Variants in AGPAT3 observed in about 807,000 individuals in gnomAD.
AGPAT3 encodes 1-acyl-sn-glycerol-3-phosphate acyltransferase gamma.
In AGPAT3, 5 loss-of-function variants were observed where a neutral mutation model predicts 47.3. That is an observed-to-expected ratio of 0.11 (90% CI 0.06 to 0.22). The LOEUF (loss-of-function observed/expected upper bound fraction) is 0.22. AGPAT3 is among the 10% of genes least tolerant of loss of function. The probability of loss-of-function intolerance (pLI) is 1.00; values close to 1 mark genes in which losing one functional copy is unlikely to be tolerated. For missense variants in AGPAT3, 315 were observed against 493.0 expected (o/e 0.64, Z 3.42); for synonymous variants, 212 against 208.3 (o/e 1.02, Z -0.15).
At chr21:43,931,839 C>G (rs1408735532) in intron 2 of AGPAT3, among the ~76,000 whole-genome samples, 1 of 151,720 alleles carries the variant, frequency 6.6e-6, no homozygotes, top group African/African-American at 2.4e-5. Context: ...CTGTAAAGAG[C>G]ATGATGAAAA....
At chr21:43,919,076 C>T (rs2086828728) in intron 2 of AGPAT3, among the ~76,000 whole-genome samples, 1 of 152,180 alleles carries the variant, frequency 6.6e-6, no homozygotes, top group African/African-American at 2.4e-5. Context: ...AGTCACACAT[C>T]TGTCCATCAT....
chr21:43,969,478 C>T (rs1372801294), intron 5 of AGPAT3, among the ~76,000 whole-genome samples, 199 bp downstream of exon 5: 5 of 152,176 alleles, frequency 3.3e-5, no homozygotes, highest in South Asian at 4.1e-4. Flanking sequence ...TGCTACTCGC[C>T]GCAATCCCAG....
intron 1 of AGPAT3, among the ~76,000 whole-genome samples, chr21:43,900,788 A>G (rs1870921843): frequency 6.6e-6 from 1 of 152,092 alleles, no homozygotes; most frequent in African/African-American, 2.4e-5. Context: ...TTGTCCTACA[A>G]AGGTCCGCTC....
intron 3 of AGPAT3, among the ~76,000 whole-genome samples, chr21:43,961,567 C>T (rs1046358483): frequency 4.4e-5 from 6 of 135,632 alleles, no homozygotes; most frequent in Admixed American, 2.2e-4. Flanking sequence ...AAACAGTGAG[C>T]GCGTAGACAC....
chr21:43,909,591 C>T (rs908372289), intron 2 of AGPAT3, among the ~76,000 whole-genome samples: 10 of 152,196 alleles, frequency 6.6e-5, no homozygotes, highest in South Asian at 2.1e-4. Context: ...CCACTGTACC[C>T]GGCCTTTTCA....
chr21:43,925,247 G>A (rs916119213), intron 2 of AGPAT3: 1 of 152,698 alleles, frequency 6.5e-6, no homozygotes, highest in African/African-American at 2.4e-5. Context: ...CTGCCGTCCT[G>A]GCTTGCAGAG....
At chr21:43,887,590 A>G (rs1352365437) in intron 1 of AGPAT3, among the ~76,000 whole-genome samples, 2 of 152,274 alleles carry the variant, frequency 1.3e-5, no homozygotes, top group African/African-American at 2.4e-5. Flanking sequence ...GCACACGCAC[A>G]CACACACACA....
intron 7 of AGPAT3, among the ~76,000 whole-genome samples, chr21:43,973,812 A>G (rs2089494858): frequency 6.6e-6 from 1 of 152,230 alleles, no homozygotes; most frequent in Admixed American, 6.5e-5. Flanking sequence ...GGCCATGGGG[A>G]AGCAGGGCCA....
chr21:43,911,100 C>CAAA (rs2086623653), intron 2 of AGPAT3, among the ~76,000 whole-genome samples: 1 of 152,200 alleles, frequency 6.6e-6, no homozygotes, highest in Admixed American at 6.5e-5. Flanking sequence ...CATACACCGA[C>CAAA]AGAGTTTCCA....
intron 3 of AGPAT3, among the ~76,000 whole-genome samples, chr21:43,962,439 A>G (rs924434010): frequency 1.3e-5 from 2 of 152,214 alleles, no homozygotes; most frequent in East Asian, 1.9e-4. Flanking sequence ...AAAAAGGGCA[A>G]ATATTAACTG....
At chr21:43,876,162 C>T (rs1488588371) in intron 1 of AGPAT3, among the ~76,000 whole-genome samples, 1 of 151,918 alleles carries the variant, frequency 6.6e-6, no homozygotes. Context: ...TCCAAGTTTG[C>T]CTCTCCTCTT....
rs2030348301 is a variant in AGPAT3, at chr21:43,986,839, T to C, written c.*4447T>C. 6.6e-6 allele frequency among the ~76,000 whole-genome samples: 1 copy of C among 152,246 alleles called. No homozygotes were observed. The highest frequency in any genetic ancestry group is 2.1e-4 in the South Asian group (1 of 4,836). ...CAAATGTATTATACGGATGTTTCCT[T>C]TTGTACACTTCATTTTTACAAGTTT... On this transcript the variant is annotated 3_prime_UTR_variant, in exon 10 of 10. Transcript: ENST00000291572.
In AGPAT3 at chr21:43,970,605, C is replaced by T. The variant is rs566132947; in HGVS notation, c.511-48C>T. On this transcript the variant is annotated intron_variant, in intron 5 of 9. Transcript: ENST00000291572. This position sits in a 1 kb window ranked among gnomAD's most constrained non-coding sequence, Gnocchi z 5.8. ...AGGCAGGCCTGGCCTGGACATGCAC[C>T]CACCCCAGCTGCTCTGTGGAGTGAC... The T allele has an allele frequency of 6.3e-7, 1 of 1,599,626 alleles. No homozygotes were observed. Among genetic ancestry groups the T allele is most frequent in the East Asian group, 2.3e-5 (1 of 44,150 alleles).
chr21:43,969,367 G>A, intron 5 of AGPAT3, 88 bp downstream of exon 5: 2 of 1,540,366 alleles, frequency 1.3e-6, no homozygotes, highest in South Asian at 1.2e-5. Context: ...CCCAGGCTGG[G>A]AAACCCCATG....
rs1256924439 is a variant in AGPAT3, at chr21:43,922,155, G to T, written c.-49+18136G>T. Among the ~76,000 whole-genome samples, 2 of 152,158 alleles carry T rather than the reference G, an allele frequency of 1.3e-5. No homozygotes were observed. The highest frequency in any genetic ancestry group is 4.8e-5 in the African/African-American group (2 of 41,424). On this transcript the variant is annotated intron_variant, in intron 2 of 9. Transcript: ENST00000291572. This position sits in a 1 kb window ranked among gnomAD's most constrained non-coding sequence, Gnocchi z 4.9. The stretch of plus-strand genomic sequence containing the variant: ...CGGGGATGAGTCACCCGGGGGCCTT[G>T]GTGCATGTGGAGGCCCAGGCTTGTG...
At chr21:43,957,643 G>A (rs2088546480) in intron 2 of AGPAT3, among the ~76,000 whole-genome samples, 1 of 149,134 alleles carries the variant, frequency 6.7e-6, no homozygotes, top group Non-Finnish European at 1.5e-5. Flanking sequence ...CAGGGATCTC[G>A]GGTTTCCCCC....
intron 1 of AGPAT3, among the ~76,000 whole-genome samples, chr21:43,883,697 G>A (rs1355741389): frequency 2.6e-5 from 4 of 152,156 alleles, no homozygotes; most frequent in South Asian, 2.1e-4. Context: ...GGGTTCAAGC[G>A]ATTCTCCTGC....
chr21:43,957,697 G>A (rs1486705450), intron 2 of AGPAT3, among the ~76,000 whole-genome samples: 3 of 147,052 alleles, frequency 2.0e-5, no homozygotes, highest in Non-Finnish European at 3.0e-5. Flanking sequence ...GGGGGGTCTC[G>A]GGTTTCCCCC....
In AGPAT3 at chr21:43,969,242, G is replaced by A. The variant is rs1249801484; in HGVS notation, c.473G>A (p.Gly158Glu). 1.2e-6 allele frequency: 2 copies of A among 1,614,224 alleles called. No individual in the cohort carries two copies. Among genetic ancestry groups the A allele is most frequent in the East Asian group, 4.5e-5 (2 of 44,888 alleles). Residue 158 changes from glycine to glutamate, a missense_variant, in exon 5 of 10, where the codon GGG (glycine) becomes GAG (glutamate). Gly to Glu is a moderately conservative substitution (Grantham distance 98). Coordinates refer to ENST00000291572, the MANE Select transcript of AGPAT3 (RefSeq NM_020132.5). ...WEEDRDTVVEGLRRLSDYPEY... is the reference protein window; with the variant it reads ...WEEDRDTVVEELRRLSDYPEY... ...GAGGACCGGGACACCGTGGTCGAAG[G>A]GCTGAGGCGCCTGTCGGACTACCCC...
Sources: gnomAD v4.1 joint callset for allele counts (sites outside exome capture counted in the v4.1 genomes callset) on GRCh38, gnomAD v4.1.1 for gene constraint, Gnocchi (gnomAD v3.1) non-coding constraint, MANE v1.5 for transcripts, NCBI Gene and HGNC (gene_info 2026-07-23, HGNC 2026-07-21) for gene names.